The following DDX18 variants were observed in gnomAD, a reference collection of about 807,000 sequenced individuals.
The protein encoded by DDX18 is ATP-dependent RNA helicase DDX18.
DDX18 carries 23 observed loss-of-function variants against 73.5 expected under a neutral mutation model. The ratio of observed to expected loss-of-function variants is 0.31; its 90% CI spans 0.23 to 0.44. The LOEUF (loss-of-function observed/expected upper bound fraction) is 0.44, where lower values mean the gene tolerates loss of function less well. Ranked by LOEUF, DDX18 falls within the 20% of genes least tolerant of loss-of-function variation. DDX18 has a pLI of 1.00. For missense variants in DDX18, 753 were observed against 792.9 expected (o/e 0.95, Z 0.60); for synonymous variants, 268 against 282.7 (o/e 0.95, Z 0.52).
chr2:117,823,190 T>G (rs1434605809), intron 7 of DDX18, among the ~76,000 whole-genome samples: 1 of 152,144 alleles, frequency 6.6e-6, no homozygotes, highest in Non-Finnish European at 1.5e-5. Flanking sequence ...AATTTTAGAA[T>G]TGGTTTGTCA....
At chr2:117,825,238 G>A (rs190139754) in intron 9 of DDX18, 137 bp downstream of exon 9, 8 of 1,276,400 alleles carry the variant, frequency 6.3e-6, no homozygotes, top group South Asian at 1.4e-5. Flanking sequence ...GATCCTGTGT[G>A]GGGGAGCGCT....
At chr2:117,825,747 T>A in intron 10 of DDX18, 148 bp downstream of exon 10, 1 of 939,178 alleles carries the variant, frequency 1.1e-6, no homozygotes, top group Non-Finnish European at 1.5e-6. Flanking sequence ...TATTGAAAAG[T>A]ACTTAAGGCT....
At chr2:117,817,107 T>G (rs1038814466) in intron 1 of DDX18, among the ~76,000 whole-genome samples, 2 of 152,200 alleles carry the variant, frequency 1.3e-5, no homozygotes, top group Non-Finnish European at 2.9e-5. Context: ...ATCAAATACT[T>G]ATGTTTATTC....
chr2:117,829,948 C>G (rs1679993989), intron 13 of DDX18, among the ~76,000 whole-genome samples: 2 of 152,158 alleles, frequency 1.3e-5, no homozygotes, highest in Non-Finnish European at 2.9e-5. Context: ...GAAAATAAAA[C>G]TTAGGTGTTG....
At chr2:117,823,634 A>C (rs1679880855) in intron 7 of DDX18, among the ~76,000 whole-genome samples, 1 of 152,096 alleles carries the variant, frequency 6.6e-6, no homozygotes, top group Non-Finnish European at 1.5e-5. Context: ...TCACCTCTTT[A>C]TTTAATTTTT....
In DDX18 at chr2:117,828,687, A is replaced by G. The variant is rs570069694; in HGVS notation, c.1636-262A>G. 15 of 404,932 alleles carry G rather than the reference A, an allele frequency of 3.7e-5. No individual in the cohort carries two copies. The South Asian group carries it at 4.8e-4, about 13-fold the overall frequency. The allele number at this position is 404,932 out of a possible 1,614,324, so 25.1% of individuals were successfully genotyped here. A position where few individuals can be genotyped will look rare whatever the true frequency, so the allele number is the denominator to read the frequency against. ...TTCATGGTTGCAAATAGTCAGGATT[A>G]TAGAGATTCTTACAGAAAAGTGCTT... On this transcript the variant is annotated intron_variant, in intron 11 of 13. Transcript: ENST00000263239.
At chr2:117,829,045 T>C in intron 12 of DDX18, 40 bp downstream of exon 12, 2 of 1,528,218 alleles carry the variant, frequency 1.3e-6, no homozygotes, top group East Asian at 2.2e-5. Flanking sequence ...ACAGGAACCT[T>C]GTCCCAGCAC....
chr2:117,826,095 T>C (rs556555288), intron 10 of DDX18, 174 bp from the exon 11 acceptor site: 1 of 325,742 alleles, frequency 3.1e-6, no homozygotes. Context: ...GGGGGTGATG[T>C]GCACAGAGCG....
Position 117,822,230 on chromosome 2 carries a change from G to C in DDX18, c.1035G>C (p.Glu345Asp), listed in dbSNP as rs1385316251. 6.2e-7 allele frequency: 1 copy of C among 1,613,382 alleles called. No homozygotes were observed. Among genetic ancestry groups the C allele is most frequent in the East Asian group, 2.2e-5 (1 of 44,866 alleles). ...GTATCTTGGATGTGGGGTTTGAAGA[G>C]GAATTAAAGCAAATTATTAAACTTT... ...ADRILDVGFE[E>D]ELKQIIKLLP... The change falls in exon 7 of 14, where the codon GAG becomes GAC. Residue 345 changes from glutamate to aspartate, a missense_variant. Physicochemically the swap from Glu to Asp is conservative, Grantham distance 45 (BLOSUM62 2). Transcript: ENST00000263239.
intron 8 of DDX18, 63 bp from the exon 9 acceptor site, chr2:117,824,877 A>C (rs1454642324): frequency 6.5e-7 from 1 of 1,533,346 alleles, no homozygotes; most frequent in African/African-American, 1.4e-5. Context: ...GAAATTACAC[A>C]AGTTAGGAAA....
chr2:117,817,462 T>A lies in DDX18; in HGVS notation c.104T>A (p.Leu35Gln), dbSNP rs370738084. 1 of 1,609,628 alleles carries A rather than the reference T, an allele frequency of 6.2e-7. No individual in the cohort carries two copies. Among genetic ancestry groups the A allele is most frequent in the Non-Finnish European group, 8.5e-7 (1 of 1,179,106 alleles). ...LKFQGASNLT[L>Q]SETQNGDVSE... ...TAAACAGGGGCCTCAAATCTGACCC[T>A]ATCGGAAACTCAAAATGGAGATGTA... is the stretch of plus-strand genomic sequence containing the variant. Residue 35 changes from leucine to glutamine, a missense_variant, in exon 2 of 14, where the codon CTA becomes CAA. By Grantham distance (113) the Leu-to-Gln change is moderately radical (BLOSUM62 -2). Around this residue, in one of 3 missense-constraint regions of DDX18, gnomAD observed 345 missense variants for 352.0 expected, o/e 0.98. Transcript: ENST00000263239.
rs771791188 is a variant in DDX18 at position 117,826,324 on chromosome 2, C to G, written c.1577C>G (p.Ala526Gly). The change falls in exon 11 of 14, where the codon GCC becomes GGC. Residue 526 changes from alanine (A) to glycine (G), a missense_variant. Around this residue, in one of 3 missense-constraint regions of DDX18, gnomAD observed 402 missense variants for 419.4 expected, o/e 0.96. Transcript: ENST00000263239. ...TARGLNGRGH[A>G]LLILRPEELG... ...AGAGGCCTAAATGGGAGAGGGCATG[C>G]CTTGCTCATTTTGCGCCCAGAAGAA... The G allele has an allele frequency of 6.2e-7, 1 of 1,614,038 alleles. No individual in the cohort carries two copies. Among genetic ancestry groups the G allele is most frequent in the Non-Finnish European group, 8.5e-7 (1 of 1,179,998 alleles).
Position 117,826,344 on chromosome 2 carries a change from G to A in DDX18, c.1597G>A (p.Glu533Lys). The A allele has an allele frequency of 6.2e-7, 1 of 1,614,074 alleles. No individual in the cohort carries two copies. The change falls in exon 11 of 14, where the codon GAA becomes AAA. Residue 533 changes from glutamate (E) to lysine (K), a missense_variant. By Grantham distance (56) the Glu-to-Lys change is moderately conservative (BLOSUM62 1). Around this residue, in one of 3 missense-constraint regions of DDX18, gnomAD observed 402 missense variants for 419.4 expected, o/e 0.96. Transcript: ENST00000263239. The part of the protein sequence containing the change: ...RGHALLILRP[E>K]ELGFLRYLKQ... ...GCATGCCTTGCTCATTTTGCGCCCA[G>A]AAGAATTGGGTTTTCTTCGCTACTT...
Position 117,832,304 on chromosome 2 carries a change from T to G in DDX18, c.*1580T>G, listed in dbSNP as rs1680040570. On this transcript the variant is annotated 3_prime_UTR_variant, in exon 14 of 14. Transcript: ENST00000263239. Reference sequence around the variant, plus strand: ...TTTTTTTATCAAAAATTAAGTCATCTACCTACTACTTGTAACCAGCTTGTT... The same window carrying G: ...TTTTTTTATCAAAAATTAAGTCATCGACCTACTACTTGTAACCAGCTTGTT... The G allele has an allele frequency of 6.6e-6, 1 of 152,264 alleles. No individual in the cohort carries two copies. The highest frequency in any genetic ancestry group is 2.1e-4 in the South Asian group (1 of 4,834). The allele number at this position is 152,264 out of a possible 1,614,324, so 9.4% of individuals were successfully genotyped here. A position where few individuals can be genotyped will look rare whatever the true frequency, so the allele number is the denominator to read the frequency against.
rs551577165 is a variant in DDX18, at chr2:117,830,873, C to G, written c.*149C>G. ...GGGTTGCAAGCACTGAGCACTGTTA[C>G]TTCTATCACGTCTCTCTTTTATTTC... On this transcript the variant is annotated 3_prime_UTR_variant, in exon 14 of 14. Coordinates refer to ENST00000263239, the MANE Select transcript of DDX18 (RefSeq NM_006773.4). 1.1e-4 allele frequency: 87 copies of G among 813,198 alleles called. No homozygotes were observed. The Middle Eastern group carries it at 1.8e-3, about 17-fold the overall frequency. The allele number at this position is 813,198 out of a possible 1,614,324, so 50.4% of individuals were successfully genotyped here.
chr2:117,821,561 T>C, intron 4 of DDX18, 89 bp from the exon 5 acceptor site: 4 of 1,422,270 alleles, frequency 2.8e-6, no homozygotes, highest in Non-Finnish European at 2.9e-6. Context: ...CTTGTTCATG[T>C]TCTAGCCGTA....
intron 7 of DDX18, among the ~76,000 whole-genome samples, chr2:117,823,883 T>A (rs953322738): frequency 6.6e-6 from 1 of 152,252 alleles, no homozygotes; most frequent in African/African-American, 2.4e-5. Flanking sequence ...AAATGTTTTT[T>A]TTCTGTCTGC....
chr2:117,823,454 CACACACACATAT>C (rs1166983616), intron 7 of DDX18, among the ~76,000 whole-genome samples: 1 of 152,042 alleles, frequency 6.6e-6, no homozygotes, highest in Non-Finnish European at 1.5e-5. Context: ...TACATATATA[CACACACACATAT>C]ACACACATAT....
intron 3 of DDX18, 27 bp from the exon 4 acceptor site, chr2:117,821,134 G>C: frequency 6.7e-7 from 1 of 1,497,652 alleles, no homozygotes; most frequent in Admixed American, 2.4e-5. Flanking sequence ...AGATAAATTT[G>C]CTAATGATAA....
Sources: allele counts gnomAD v4.1 joint callset (sites outside exome capture counted in the v4.1 genomes callset), GRCh38; gene constraint gnomAD v4.1.1; regional missense constraint gnomAD v4.1.1; transcripts MANE v1.5; gene names NCBI Gene and HGNC (gene_info 2026-07-23, HGNC 2026-07-21).